Variants in ANKAR observed in about 807,000 individuals in gnomAD.
ANKAR encodes ankyrin and armadillo repeat containing, also known as ankyrin and armadillo repeat-containing protein.
Under a neutral mutation model 146.2 loss-of-function variants are expected in ANKAR, and 136 were observed. That is an observed-to-expected ratio of 0.93 (90% CI 0.81 to 1.07). The LOEUF is 1.07. ANKAR is among the 50% of genes least tolerant of loss of function. The pLI is 0.00. For synonymous variants in ANKAR, 500 were observed against 575.8 expected (o/e 0.87, Z 1.88); for missense variants, 1,567 against 1,679.9 (o/e 0.93, Z 1.18).
intron 18 of ANKAR, chr2:189,753,115 T>C (rs1243504204): frequency 1.1e-5 from 7 of 659,052 alleles, no homozygotes; most frequent in Non-Finnish European, 1.6e-5. Context: ...GCAGATGACA[T>C]ATCTATGTAA....
intron 18 of ANKAR, among the ~76,000 whole-genome samples, chr2:189,760,501 C>A (rs1035137778): frequency 1.3e-5 from 2 of 152,198 alleles, no homozygotes; most frequent in African/African-American, 4.8e-5. Flanking sequence ...CATTAACAAT[C>A]TGGATTTCCA....
At chr2:189,681,684 T>C (rs1306697501) in intron 2 of ANKAR, among the ~76,000 whole-genome samples, 1 of 152,238 alleles carries the variant, frequency 6.6e-6, no homozygotes, top group Non-Finnish European at 1.5e-5. Flanking sequence ...GACCTCCTGC[T>C]TGTCATATTT....
chr2:189,747,076 C>T (rs1221384576), downstream of ANKAR: 2 of 153,886 alleles, frequency 1.3e-5, no homozygotes, highest in Non-Finnish European at 2.9e-5. Context: ...TGGCTCACAC[C>T]CATAATCCCA....
chr2:189,695,107 A>G lies in ANKAR; in HGVS notation c.1434A>G (p.Gln478=), dbSNP rs755051839. The change falls in exon 6 of 23, where the codon CAA becomes CAG. Residue 478 remains glutamine (Q), a synonymous_variant. Transcript: ENST00000684021. ...RLKRLPLTDA[Q]LHEQFKKKLG... ...AAAGACTTCCACTGACAGATGCTCA[A>G]TTACATGAACAATTTAAGAAAAAGC... 1.6e-5 allele frequency: 25 copies of G among 1,610,464 alleles called. No homozygotes were observed. Among genetic ancestry groups the G allele is most frequent in the Admixed American group, 3.4e-5 (2 of 58,864 alleles).
rs778415848 is a variant in ANKAR, at chr2:189,686,018, T to G, written c.602-3509T>G. ...TTTCAGTCTCTAAGGCTTCTTGTGG[T>G]TTTTGTTGGCTCCCAGCCACCCCAA... On this transcript the variant is annotated intron_variant, in intron 2 of 22. Transcript: ENST00000684021. Among the ~76,000 whole-genome samples the G allele has an allele frequency of 5.9e-5, 9 of 152,092 alleles. No individual in the cohort carries two copies. The South Asian group carries it at 8.3e-4, about 14-fold the overall frequency.
At chr2:189,675,215 ATATAAT>A (rs779493892) in intron 1 of ANKAR, among the ~76,000 whole-genome samples, 1 of 151,822 alleles carries the variant, frequency 6.6e-6, no homozygotes, top group African/African-American at 2.4e-5. Context: ...GAGAACCACT[ATATAAT>A]AGAGACCAAT....
At chr2:189,677,907 A>C (rs1174359943) in intron 2 of ANKAR, among the ~76,000 whole-genome samples, 2 of 152,146 alleles carry the variant, frequency 1.3e-5, no homozygotes, top group Non-Finnish European at 2.9e-5. Flanking sequence ...ATGCATGTGC[A>C]AGTGTCTTTT....
chr2:189,706,377 C>A (rs1211016854), intron 8 of ANKAR, among the ~76,000 whole-genome samples: 1 of 151,718 alleles, frequency 6.6e-6, no homozygotes, highest in Non-Finnish European at 1.5e-5. Flanking sequence ...CAGAGTGAGA[C>A]TCCATCTCAA....
At chr2:189,753,531 C>T (rs969317316) in intron 18 of ANKAR, among the ~76,000 whole-genome samples, 1 of 152,008 alleles carries the variant, frequency 6.6e-6, no homozygotes, top group Non-Finnish European at 1.5e-5. Context: ...GGTATACCAC[C>T]TCCCACTGCT....
At chr2:189,754,344 A>G in intron 18 of ANKAR, 1 of 1,597,924 alleles carries the variant, frequency 6.3e-7, no homozygotes, top group Non-Finnish European at 8.5e-7. Context: ...TCTTCTTGCC[A>G]CCTATCAAAG....
At chr2:189,707,173 T>C (rs2039051745) in intron 9 of ANKAR, 27 bp downstream of exon 9, 3 of 1,250,742 alleles carry the variant, frequency 2.4e-6, no homozygotes, top group Non-Finnish European at 3.2e-6. Flanking sequence ...TATAAATACA[T>C]GTTCTGATTA....
chr2:189,734,766 C>G (rs561560239), intron 17 of ANKAR, among the ~76,000 whole-genome samples: 1 of 152,068 alleles, frequency 6.6e-6, no homozygotes, highest in African/African-American at 2.4e-5. Context: ...GAGTTCGAGA[C>G]CAGCCTTGCC....
At chr2:189,708,046 G>C (rs766630945) in intron 9 of ANKAR, among the ~76,000 whole-genome samples, 1 of 152,086 alleles carries the variant, frequency 6.6e-6, no homozygotes, top group Non-Finnish European at 1.5e-5. Context: ...AGAGGGACCC[G>C]GGAAACTGGG....
intron 2 of ANKAR, among the ~76,000 whole-genome samples, chr2:189,684,154 A>T (rs573331414): frequency 1.2e-4 from 19 of 152,326 alleles, no homozygotes; most frequent in Admixed American, 6.5e-4. Context: ...TAATAGAAAT[A>T]TTGAGAAAAA....
chr2:189,692,533 C>T (rs2036577618), intron 4 of ANKAR, 115 bp downstream of exon 4: 6 of 859,598 alleles, frequency 7.0e-6, no homozygotes, highest in South Asian at 6.1e-5. Flanking sequence ...AATGATTATT[C>T]TCACAACTCA....
chr2:189,762,946 T>G, downstream of ANKAR: 1 of 985,418 alleles, frequency 1.0e-6, no homozygotes, highest in Non-Finnish European at 1.2e-6. Context: ...ATGAGAGTTC[T>G]GTAAAATTAC....
chr2:189,738,505 G>T, intron 18 of ANKAR, 60 bp from the exon 19 acceptor site: 1 of 1,008,560 alleles, frequency 9.9e-7, no homozygotes, highest in Admixed American at 2.3e-5. Flanking sequence ...TGACAAACGT[G>T]TAATTAGAGA....
Position 189,719,711 on chromosome 2 carries a change from A to T in ANKAR, c.2364A>T (p.Leu788=). The T allele has an allele frequency of 6.2e-7, 1 of 1,614,154 alleles. No individual in the cohort carries two copies. The highest frequency in any genetic ancestry group is 8.5e-7 in the Non-Finnish European group (1 of 1,180,008). Residue 788 remains leucine, a synonymous_variant, in exon 11 of 23, where the codon CTA becomes CTT. Coordinates refer to ENST00000684021, the MANE Select transcript of ANKAR (RefSeq NM_001378068.1). ...ALVEAGGIPS[L]INLLVCDEPE... ...TAGAAGCGGGAGGCATTCCATCTCT[A>T]ATCAACCTACTGGTTTGTGATGAGC... is the stretch of plus-strand genomic sequence containing the variant.
chr2:189,711,376 G>T (rs1165250189), intron 10 of ANKAR, among the ~76,000 whole-genome samples: 4 of 152,096 alleles, frequency 2.6e-5, no homozygotes, highest in African/African-American at 9.7e-5. Flanking sequence ...TTGTCTAAAA[G>T]CTCGAAAAAT....
Sources: gnomAD v4.1 joint callset for allele counts (sites outside exome capture counted in the v4.1 genomes callset) on GRCh38, gnomAD v4.1.1 for gene constraint, MANE v1.5 for transcripts, NCBI Gene and HGNC (gene_info 2026-07-23, HGNC 2026-07-21) for gene names.